The following NXPH1 variants were observed in gnomAD, a reference collection of about 807,000 sequenced individuals.
The protein encoded by NXPH1 is neurexophilin-1.
Under a neutral mutation model 23.7 loss-of-function variants are expected in NXPH1, and 5 were observed. The ratio of observed to expected loss-of-function variants is 0.21; its 90% CI spans 0.11 to 0.44. The LOEUF (loss-of-function observed/expected upper bound fraction) is 0.44. Ranked by LOEUF, NXPH1 falls within the 20% of genes least tolerant of loss-of-function variation. The pLI is 0.99. For missense variants in NXPH1, 324 were observed against 321.6 expected, an observed-to-expected ratio of 1.01 and a Z score of -0.06; for synonymous variants, 144 against 122.2, an observed-to-expected ratio of 1.18 and a Z score of -1.18.
chr7:8,461,807 G>A (rs1291232711), intron 2 of NXPH1, among the ~76,000 whole-genome samples: 4 of 131,958 alleles, frequency 3.0e-5, no homozygotes, highest in African/African-American at 6.4e-5. Flanking sequence ...TCCGCAGTCC[G>A]GCCTGGGCGA....
intron 2 of NXPH1, among the ~76,000 whole-genome samples, chr7:8,511,159 G>C (rs947813253): frequency 3.3e-5 from 5 of 152,112 alleles, no homozygotes; most frequent in African/African-American, 4.8e-5. Flanking sequence ...AATGCATTAT[G>C]TATAGCATTA....
At chr7:8,576,596 G>T (rs1272870989) in intron 2 of NXPH1, among the ~76,000 whole-genome samples, 1 of 152,104 alleles carries the variant, frequency 6.6e-6, no homozygotes, top group East Asian at 1.9e-4. Flanking sequence ...TCACACGTAG[G>T]CTTAGGAGGG....
chr7:8,595,065 G>T (rs1819190417), intron 2 of NXPH1, among the ~76,000 whole-genome samples: 2 of 151,958 alleles, frequency 1.3e-5, no homozygotes, highest in African/African-American at 2.4e-5. Flanking sequence ...TCACCCTGGA[G>T]AATTATTTGG....
intron 2 of NXPH1, among the ~76,000 whole-genome samples, chr7:8,642,527 T>C (rs1051413862): frequency 7.2e-5 from 11 of 152,318 alleles, no homozygotes; most frequent in Middle Eastern, 6.8e-3. Flanking sequence ...TATTAATTTT[T>C]AAAATTGGTT....
At chr7:8,529,794 T>G (rs1817922704) in intron 2 of NXPH1, among the ~76,000 whole-genome samples, 1 of 152,126 alleles carries the variant, frequency 6.6e-6, no homozygotes, top group Admixed American at 6.6e-5. Context: ...CCTCCTTTTC[T>G]TCCTGAATTA....
At chr7:8,471,781 C>T (rs994335490) in intron 2 of NXPH1, among the ~76,000 whole-genome samples, 1 of 152,072 alleles carries the variant, frequency 6.6e-6, no homozygotes, top group Non-Finnish European at 1.5e-5. Context: ...TCATTTTTAA[C>T]ATGTTTCACT....
At chr7:8,461,597 G>T (rs981390517) in intron 2 of NXPH1, among the ~76,000 whole-genome samples, 1 of 151,676 alleles carries the variant, frequency 6.6e-6, no homozygotes, top group Admixed American at 6.6e-5. Flanking sequence ...TTGGGAGGCC[G>T]AGGCGGGTGG....
intron 2 of NXPH1, among the ~76,000 whole-genome samples, chr7:8,665,166 A>G (rs1027038676): frequency 8.6e-5 from 13 of 151,990 alleles, no homozygotes; most frequent in Non-Finnish European, 1.5e-5. Context: ...CTTATATTTA[A>G]GTTTTTAATC....
intron 2 of NXPH1, among the ~76,000 whole-genome samples, chr7:8,453,189 A>G (rs1816536582): frequency 6.6e-6 from 1 of 152,100 alleles, no homozygotes; most frequent in Admixed American, 6.6e-5. Flanking sequence ...AGAAAGAAAT[A>G]CTTGTATTTG....
At chr7:8,561,064 A>C (rs1818435413) in intron 2 of NXPH1, among the ~76,000 whole-genome samples, 1 of 151,606 alleles carries the variant, frequency 6.6e-6, no homozygotes, top group Admixed American at 6.6e-5. Context: ...TTCTAAGCCG[A>C]AGGGCAGCAG....
intron 2 of NXPH1, among the ~76,000 whole-genome samples, chr7:8,674,555 C>A (rs908175098): frequency 1.2e-4 from 19 of 152,126 alleles, no homozygotes; most frequent in African/African-American, 4.3e-4. Context: ...GCAAGGAAAT[C>A]TCTGGAGGCA....
At chr7:8,744,622 A>T (rs1225272582) in intron 2 of NXPH1, among the ~76,000 whole-genome samples, 1 of 152,198 alleles carries the variant, frequency 6.6e-6, no homozygotes, top group Non-Finnish European at 1.5e-5. Context: ...AGACCTTCAG[A>T]TCCTTGTTCC....
intron 2 of NXPH1, among the ~76,000 whole-genome samples, chr7:8,514,121 ACT>A (rs1817654471): frequency 6.6e-6 from 1 of 151,948 alleles, no homozygotes; most frequent in Non-Finnish European, 1.5e-5. Context: ...TTCTGAAAAG[ACT>A]CTGTTTCCAA....
At chr7:8,521,166 G>A (rs1817764319) in intron 2 of NXPH1, among the ~76,000 whole-genome samples, 1 of 152,144 alleles carries the variant, frequency 6.6e-6, no homozygotes, top group African/African-American at 2.4e-5. Flanking sequence ...TGGATATGAT[G>A]AATGTTTTGC....
intron 2 of NXPH1, among the ~76,000 whole-genome samples, chr7:8,683,361 G>C (rs1583229060): frequency 6.6e-6 from 1 of 152,130 alleles, no homozygotes; most frequent in East Asian, 1.9e-4. Flanking sequence ...CATCCAAACT[G>C]TTACACTGGC....
At chr7:8,631,020 T>A (rs919276817) in intron 2 of NXPH1, among the ~76,000 whole-genome samples, 2 of 152,132 alleles carry the variant, frequency 1.3e-5, no homozygotes, top group Non-Finnish European at 2.9e-5. Context: ...AGTGAGAACA[T>A]GTGGTATTTG....
At chr7:8,532,468 T>TTTG (rs796667727) in intron 2 of NXPH1, among the ~76,000 whole-genome samples, 3 of 20,830 alleles carry the variant, frequency 1.4e-4, no homozygotes, top group Non-Finnish European at 1.3e-4. Flanking sequence ...ATATTTTTTT[T>TTTG]GGGGGGGGGG....
intron 2 of NXPH1, among the ~76,000 whole-genome samples, chr7:8,668,901 G>A (rs1014583030): frequency 6.6e-6 from 1 of 152,048 alleles, no homozygotes; most frequent in Admixed American, 6.5e-5. Flanking sequence ...CCCTGGGTAT[G>A]CTGAAGCCAG....
intron 2 of NXPH1, among the ~76,000 whole-genome samples, chr7:8,472,113 T>C (rs1283901237): frequency 6.6e-6 from 1 of 152,114 alleles, no homozygotes; most frequent in Admixed American, 6.6e-5. Flanking sequence ...ATGTGTCTTC[T>C]TTTTGTGCTA....
Sources: allele counts gnomAD v4.1 joint callset (sites outside exome capture counted in the v4.1 genomes callset), GRCh38; gene constraint gnomAD v4.1.1; transcripts MANE v1.5; gene names NCBI Gene and HGNC (gene_info 2026-07-23, HGNC 2026-07-21).